The following RBFOX3 variants were observed in gnomAD, a reference collection of about 807,000 sequenced individuals.
RBFOX3 encodes the protein RNA binding protein fox-1 homolog 3.
RBFOX3 carries 17 observed loss-of-function variants against 48.7 expected under a neutral mutation model. That is an observed-to-expected ratio of 0.35 (90% CI 0.24 to 0.52). RBFOX3 has a LOEUF of 0.52. Among genes scored for constraint, RBFOX3 ranks in the 20% least tolerant of loss-of-function variants. The pLI, the probability that RBFOX3 is intolerant of heterozygous loss-of-function variation, is 0.94. For missense variants in RBFOX3, 382 were observed against 497.5 expected (o/e 0.77, Z 2.21); for synonymous variants, 212 against 209.5 (o/e 1.01, Z -0.10).
At chr17:79,524,772 T>C (rs2086584499) in intron 1 of RBFOX3, among the ~76,000 whole-genome samples, 1 of 152,182 alleles carries the variant, frequency 6.6e-6, no homozygotes, top group South Asian at 2.1e-4. Flanking sequence ...GAGCCCTAGT[T>C]TGCAGAGCAC....
At chr17:79,109,949 C>T (rs1202366561) in intron 5 of RBFOX3, among the ~76,000 whole-genome samples, 1 of 152,130 alleles carries the variant, frequency 6.6e-6, no homozygotes, top group Non-Finnish European at 1.5e-5. Flanking sequence ...CCCTGCTCAG[C>T]CCCGGGCAGA....
chr17:79,292,035 G>T (rs367732448), intron 3 of RBFOX3, among the ~76,000 whole-genome samples: 11 of 152,034 alleles, frequency 7.2e-5, no homozygotes, highest in African/African-American at 2.7e-4. Context: ...AGCCAGCCAC[G>T]GAGCTCTCTC....
At chr17:79,330,870 C>T (rs1384010242) in intron 2 of RBFOX3, among the ~76,000 whole-genome samples, 1 of 152,206 alleles carries the variant, frequency 6.6e-6, no homozygotes, top group East Asian at 1.9e-4. Flanking sequence ...CTCCCAGCTT[C>T]TGGTCTCAGG....
At chr17:79,123,214 T>C (rs918205208) in intron 4 of RBFOX3, among the ~76,000 whole-genome samples, 1 of 152,188 alleles carries the variant, frequency 6.6e-6, no homozygotes, top group African/African-American at 2.4e-5. Context: ...AAGAGCATAT[T>C]TGTATTGTGT....
At chr17:79,132,300 C>T (rs913929931) in intron 4 of RBFOX3, among the ~76,000 whole-genome samples, 2 of 152,052 alleles carry the variant, frequency 1.3e-5, no homozygotes, top group East Asian at 1.9e-4. Flanking sequence ...AGAGGGCGTA[C>T]GTAGAAGAGC....
intron 5 of RBFOX3, among the ~76,000 whole-genome samples, chr17:79,112,512 T>C (rs1396804476): frequency 1.3e-5 from 2 of 152,026 alleles, no homozygotes; most frequent in African/African-American, 4.8e-5. Flanking sequence ...TTGAGGATCC[T>C]GGGGTGGAGG....
chr17:79,100,871 T>A (rs1568127425), intron 9 of RBFOX3, among the ~76,000 whole-genome samples: 1 of 152,112 alleles, frequency 6.6e-6, no homozygotes, highest in Non-Finnish European at 1.5e-5. Flanking sequence ...ACCGGCCACC[T>A]CCGTTTGCAG....
intron 2 of RBFOX3, among the ~76,000 whole-genome samples, chr17:79,315,425 T>G (rs1293631622): frequency 2.0e-5 from 3 of 152,140 alleles, no homozygotes; most frequent in Non-Finnish European, 2.9e-5. Flanking sequence ...CACCACCATC[T>G]GCAGGCCGAC....
At chr17:79,566,557 C>T (rs2092461834) in intron 1 of RBFOX3, among the ~76,000 whole-genome samples, 1 of 152,230 alleles carries the variant, frequency 6.6e-6, no homozygotes, top group African/African-American at 2.4e-5. Context: ...GCCAGAACCC[C>T]AGTCCTTCCA....
At chr17:79,564,427 C>G (rs2092376859) in intron 1 of RBFOX3, among the ~76,000 whole-genome samples, 1 of 152,202 alleles carries the variant, frequency 6.6e-6, no homozygotes, top group African/African-American at 2.4e-5. Context: ...AATGGCCGAG[C>G]TGGCCTTGCT....
chr17:79,613,644 C>A (rs2093983222), upstream of RBFOX3, among the ~76,000 whole-genome samples: 1 of 152,160 alleles, frequency 6.6e-6, no homozygotes, highest in Non-Finnish European at 1.5e-5. Flanking sequence ...TAATTTCGTG[C>A]CCTCTGAAAA....
At position 79,535,353 on chromosome 17, in the gene RBFOX3, G is replaced by C. The variant is rs1453115747; in HGVS notation, c.-319-52755C>G. On this transcript the variant is annotated intron_variant, in intron 1 of 14. Transcript: ENST00000693108. The surrounding 1 kb of genome is among the most constrained non-coding windows in gnomAD (Gnocchi z 4.5). The stretch of plus-strand genomic sequence containing the variant: ...GGGGATCACCTATAGGTAAGGAGAA[G>C]AGGGAGGGTGACAGAGGCTCCCAGA... Among the ~76,000 whole-genome samples, 4 of 152,224 alleles carry C rather than the reference G, an allele frequency of 2.6e-5. No individual in the cohort carries two copies. The highest frequency in any genetic ancestry group is 9.6e-5 in the African/African-American group (4 of 41,462).
At chr17:79,609,954 G>C (rs2093932754) in intron 1 of RBFOX3, among the ~76,000 whole-genome samples, 1 of 152,128 alleles carries the variant, frequency 6.6e-6, no homozygotes, top group African/African-American at 2.4e-5. Context: ...GTTTGGGCCA[G>C]GGGCGTGCCC....
chr17:79,547,869 C>T (rs954109333), intron 1 of RBFOX3, among the ~76,000 whole-genome samples: 11 of 152,294 alleles, frequency 7.2e-5, no homozygotes, highest in African/African-American at 2.2e-4. Context: ...GCCAACATCC[C>T]GGCACCCCAG....
At chr17:79,241,567 G>A (rs1200016030) in intron 3 of RBFOX3, among the ~76,000 whole-genome samples, 3 of 152,152 alleles carry the variant, frequency 2.0e-5, no homozygotes, top group African/African-American at 7.2e-5. Flanking sequence ...GCTGAGGAAG[G>A]TTCCACTGTG....
chr17:79,184,298 G>A (rs1275152026), intron 4 of RBFOX3, among the ~76,000 whole-genome samples: 1 of 152,176 alleles, frequency 6.6e-6, no homozygotes, highest in African/African-American at 2.4e-5. Flanking sequence ...AGATGGGGGT[G>A]GGGGACACGG....
chr17:79,351,753 T>G (rs1284176965), intron 2 of RBFOX3, among the ~76,000 whole-genome samples: 1 of 152,240 alleles, frequency 6.6e-6, no homozygotes, highest in African/African-American at 2.4e-5. Flanking sequence ...TGAGATATGA[T>G]GTGCAAATAT....
In RBFOX3 at chr17:79,292,817, G is replaced by A. The variant is rs576007170; in HGVS notation, c.-74+14907C>T. ...TTCACCAACATGAAACTGCATTTGGGGGAAAAAATCACCCATTCCCTTTAT... is the reference window on the plus strand; with the variant it reads ...TTCACCAACATGAAACTGCATTTGGAGGAAAAAATCACCCATTCCCTTTAT... On this transcript the variant is annotated intron_variant, in intron 3 of 14. Coordinates refer to ENST00000693108, the MANE Select transcript of RBFOX3 (RefSeq NM_001350451.2). Among the ~76,000 whole-genome samples the A allele has an allele frequency of 2.1e-3, 260 of 126,630 alleles. 2 individuals are homozygous for A. Among genetic ancestry groups the A allele is most frequent in the African/African-American group, 7.5e-3 (234 of 31,386 alleles). 83.1% of individuals were successfully genotyped at this position (126,630 alleles called of 152,430 possible).
intron 2 of RBFOX3, among the ~76,000 whole-genome samples, chr17:79,433,052 C>G (rs894071848): frequency 6.6e-6 from 1 of 152,220 alleles, no homozygotes; most frequent in African/African-American, 2.4e-5. Context: ...CATCTTCATC[C>G]TGCTGGTGTT....
Sources: gnomAD v4.1 joint callset for allele counts (sites outside exome capture counted in the v4.1 genomes callset) on GRCh38, gnomAD v4.1.1 for gene constraint, Gnocchi (gnomAD v3.1) non-coding constraint, MANE v1.5 for transcripts, NCBI Gene and HGNC (gene_info 2026-07-23, HGNC 2026-07-21) for gene names.